SLC39A9: variants seen among roughly 807,000 people sequenced by gnomAD.
The protein encoded by SLC39A9 is zinc transporter ZIP9.
In SLC39A9, 14 loss-of-function variants were observed where a neutral mutation model predicts 28.4. The observed-to-expected ratio is 0.49, with a 90% confidence interval of 0.33 to 0.77. The LOEUF is 0.77. Among genes scored for constraint, SLC39A9 ranks in the 30% least tolerant of loss-of-function variants. SLC39A9 has a pLI of 0.02. For missense variants in SLC39A9, 283 were observed against 381.1 expected (o/e 0.74, Z 2.14); for synonymous variants, 119 against 149.6 (o/e 0.80, Z 1.49).
Position 69,460,548 on chromosome 14 carries a change from T to C in SLC39A9, c.*1955T>C, listed in dbSNP as rs1886068476. 1.0e-6 allele frequency: 1 copy of C among 985,302 alleles called. No homozygotes were observed. The highest frequency in any genetic ancestry group is 1.2e-6 in the Non-Finnish European group (1 of 829,932). 61.0% of individuals were successfully genotyped at this position (985,302 alleles called of 1,614,324 possible). A position where few individuals can be genotyped will look rare whatever the true frequency, so the allele number is the denominator to read the frequency against. ...TTGTCAAATAAATAGCAGATTGTAG[T>C]GTCTGGTTTGGTTTGGACAGTAGTG... On this transcript the variant is annotated 3_prime_UTR_variant, in exon 7 of 7. Coordinates refer to ENST00000336643, the MANE Select transcript of SLC39A9 (RefSeq NM_018375.5).
chr14:69,442,624 A>G lies in SLC39A9; in HGVS notation c.403+358A>G, dbSNP rs150629190. Reference sequence around the variant, plus strand: ...TGTATAAAACATAGTACATAAGATCAAAGAGAAAACCACCTTTGTTGAAAT... The same window carrying G: ...TGTATAAAACATAGTACATAAGATCGAAGAGAAAACCACCTTTGTTGAAAT... On this transcript the variant is annotated intron_variant, in intron 3 of 6. Transcript: ENST00000336643. Among the ~76,000 whole-genome samples the G allele has an allele frequency of 6.6e-5, 10 of 152,356 alleles. No individual in the cohort carries two copies. The East Asian group carries it at 1.9e-3, about 29-fold the overall frequency.
chr14:69,459,034 T>C lies in SLC39A9; in HGVS notation c.*441T>C. The C allele has an allele frequency of 2.0e-6, 2 of 990,544 alleles. No homozygotes were observed. The highest frequency in any genetic ancestry group is 2.4e-6 in the Non-Finnish European group (2 of 832,470). 61.4% of individuals were successfully genotyped at this position (990,544 alleles called of 1,614,324 possible). On this transcript the variant is annotated 3_prime_UTR_variant, in exon 7 of 7. Coordinates refer to ENST00000336643, the MANE Select transcript of SLC39A9 (RefSeq NM_018375.5). The stretch of plus-strand genomic sequence containing the variant: ...TTGATTTTTAACATGGTTCCCACCA[T>C]GTAAGACTGGTGCTTTAGCATCTAT...
At chr14:69,458,048 A>T (rs1223181392) in intron 6 of SLC39A9, among the ~76,000 whole-genome samples, 1 of 152,216 alleles carries the variant, frequency 6.6e-6, no homozygotes, top group African/African-American at 2.4e-5. Context: ...GAGATGACAG[A>T]TGTTAGTTTT....
rs1175949521 is a variant in SLC39A9, at chr14:69,461,364, A to C, written c.*2771A>C. ...TTGCTTGTCAGTTCCATTTCAAGAA[A>C]GCAGTGATGTTCCAGGTTTGATTCA... is the stretch of plus-strand genomic sequence containing the variant. On this transcript the variant is annotated 3_prime_UTR_variant, in exon 7 of 7. Coordinates refer to ENST00000336643, the MANE Select transcript of SLC39A9 (RefSeq NM_018375.5). 8 of 1,130,856 alleles carry C rather than the reference A, an allele frequency of 7.1e-6. No homozygotes were observed. The highest frequency in any genetic ancestry group is 8.7e-6 in the Non-Finnish European group (8 of 916,806). 70.1% of individuals were successfully genotyped at this position (1,130,856 alleles called of 1,614,324 possible). A position where few individuals can be genotyped will look rare whatever the true frequency, so the allele number is the denominator to read the frequency against.
chr14:69,437,591 T>G (rs1884833092), intron 2 of SLC39A9, among the ~76,000 whole-genome samples: 1 of 148,060 alleles, frequency 6.8e-6, no homozygotes, highest in African/African-American at 2.4e-5. Context: ...AGTTTTTTTG[T>G]TTGTTTTTTT....
In SLC39A9 at chr14:69,461,006, G is replaced by A; in HGVS notation, c.*2413G>A. 1.0e-6 allele frequency: 1 copy of A among 985,344 alleles called. No homozygotes were observed. The highest frequency in any genetic ancestry group is 1.2e-6 in the Non-Finnish European group (1 of 829,970). The allele number at this position is 985,344 out of a possible 1,614,324, so 61.0% of individuals were successfully genotyped here. A position where few individuals can be genotyped will look rare whatever the true frequency, so the allele number is the denominator to read the frequency against. The stretch of plus-strand genomic sequence containing the variant: ...GTATTCCAGGAGAGGCCATGTCCGT[G>A]TTCACTTCTTGGCACATTTCAGTTC... On this transcript the variant is annotated 3_prime_UTR_variant, in exon 7 of 7. Coordinates refer to ENST00000336643, the MANE Select transcript of SLC39A9 (RefSeq NM_018375.5).
intron 2 of SLC39A9, among the ~76,000 whole-genome samples, chr14:69,436,540 A>C (rs543126526): frequency 1.3e-5 from 2 of 152,294 alleles, no homozygotes; most frequent in South Asian, 4.1e-4. Flanking sequence ...ATTCAGCCTA[A>C]AAGTTCTGTT....
intron 1 of SLC39A9, among the ~76,000 whole-genome samples, chr14:69,407,175 T>C (rs1882964742): frequency 6.6e-6 from 1 of 151,604 alleles, no homozygotes; most frequent in Non-Finnish European, 1.5e-5. Context: ...TGGAAATTCA[T>C]TTTTAAATGA....
chr14:69,429,858 T>G (rs540735176), intron 2 of SLC39A9, among the ~76,000 whole-genome samples: 9 of 152,352 alleles, frequency 5.9e-5, no homozygotes, highest in African/African-American at 1.4e-4. Context: ...CCCTTCCTTG[T>G]CAACACTTAG....
chr14:69,402,129 G>A (rs1882667526), intron 1 of SLC39A9, among the ~76,000 whole-genome samples: 1 of 151,972 alleles, frequency 6.6e-6, no homozygotes, highest in Non-Finnish European at 1.5e-5. Flanking sequence ...GTTTACATCA[G>A]GGGTGTCCAA....
intron 2 of SLC39A9, among the ~76,000 whole-genome samples, chr14:69,427,701 C>A (rs777983042): frequency 7.2e-5 from 11 of 152,146 alleles, no homozygotes; most frequent in Non-Finnish European, 1.5e-4. Flanking sequence ...TGGCTTCTTA[C>A]TTAGCATAAT....
chr14:69,429,329 G>T (rs942802986), intron 2 of SLC39A9: 9 of 150,986 alleles, frequency 6.0e-5, no homozygotes, highest in African/African-American at 1.9e-4. Flanking sequence ...CTTATATTCT[G>T]TGTATCAATA....
rs563946460 is a variant in SLC39A9, at chr14:69,455,882, C to G, written c.693+16C>G. Reference sequence around the variant, plus strand: ...ACTGAGTAAGGTAAGCTAATCTATTCCCAGCTATCTAAACCAGTGTCTTGT... The same window carrying G: ...ACTGAGTAAGGTAAGCTAATCTATTGCCAGCTATCTAAACCAGTGTCTTGT... On this transcript the variant is annotated intron_variant, in intron 6 of 6. Coordinates refer to ENST00000336643, the MANE Select transcript of SLC39A9 (RefSeq NM_018375.5). The G allele has an allele frequency of 1.2e-5, 19 of 1,612,918 alleles. No individual in the cohort carries two copies. In the East Asian group the frequency reaches 1.8e-4, roughly 15 times the overall value.
chr14:69,421,021 A>G (rs1347979767), intron 1 of SLC39A9, among the ~76,000 whole-genome samples: 1 of 152,244 alleles, frequency 6.6e-6, no homozygotes, highest in African/African-American at 2.4e-5. Context: ...ATTTCCATCC[A>G]GCTTTGATCC....
Position 69,424,142 on chromosome 14 carries a change from A to G in SLC39A9, c.145A>G (p.Thr49Ala). The change falls in exon 2 of 7, where the codon ACT becomes GCT. Residue 49 changes from threonine to alanine, a missense_variant. Physicochemically the swap from Thr to Ala is moderately conservative, Grantham distance 58. Transcript: ENST00000336643. Reference sequence around the variant, plus strand: ...TTTGGGTGCTGGCCTTCTCTGTGGAACTGCTCTGGCAGTCATCGTGCCTGA... The same window carrying G: ...TTTGGGTGCTGGCCTTCTCTGTGGAGCTGCTCTGGCAGTCATCGTGCCTGA... ...TVLGAGLLCG[T>A]ALAVIVPEGV... The G allele has an allele frequency of 6.2e-7, 1 of 1,613,968 alleles. No individual in the cohort carries two copies. Among genetic ancestry groups the G allele is most frequent in the Non-Finnish European group, 8.5e-7 (1 of 1,179,876 alleles).
At position 69,460,927 on chromosome 14, in the gene SLC39A9, C is replaced by A; in HGVS notation, c.*2334C>A. 1 of 985,586 alleles carries A rather than the reference C, an allele frequency of 1.0e-6. No individual in the cohort carries two copies. Among genetic ancestry groups the A allele is most frequent in the Non-Finnish European group, 1.2e-6 (1 of 830,078 alleles). The allele number at this position is 985,586 out of a possible 1,614,324, so 61.1% of individuals were successfully genotyped here. A position where few individuals can be genotyped will look rare whatever the true frequency, so the allele number is the denominator to read the frequency against. On this transcript the variant is annotated 3_prime_UTR_variant, in exon 7 of 7. Coordinates refer to ENST00000336643, the MANE Select transcript of SLC39A9 (RefSeq NM_018375.5). ...CATCTTCAGGCAGCAGGGAACCAAG[C>A]AGCGTGGCACAGGCCTTCTTGACTG...
chr14:69,411,908 G>C (rs372676420), intron 1 of SLC39A9, among the ~76,000 whole-genome samples: 2 of 148,654 alleles, frequency 1.3e-5, no homozygotes, highest in Non-Finnish European at 3.0e-5. Flanking sequence ...TCAGCCTCCC[G>C]AGTAGCTGGG....
chr14:69,446,479 G>A (rs1885309548), intron 3 of SLC39A9, among the ~76,000 whole-genome samples: 1 of 151,854 alleles, frequency 6.6e-6, no homozygotes, highest in African/African-American at 2.4e-5. Flanking sequence ...GCATGTCATA[G>A]GATATAGGAA....
At chr14:69,422,185 T>G (rs1234005433) in intron 1 of SLC39A9, among the ~76,000 whole-genome samples, 1 of 152,196 alleles carries the variant, frequency 6.6e-6, no homozygotes, top group Non-Finnish European at 1.5e-5. Flanking sequence ...AACAAACAGA[T>G]GAAGTTCATG....
Sources: allele counts gnomAD v4.1 joint callset (sites outside exome capture counted in the v4.1 genomes callset), GRCh38; gene constraint gnomAD v4.1.1; transcripts MANE v1.5; gene names NCBI Gene and HGNC (gene_info 2026-07-23, HGNC 2026-07-21).